Variants in PSME3IP1 observed in about 807,000 individuals in gnomAD.
The protein encoded by PSME3IP1 is proteasome activator subunit 3 interacting protein 1, also known as PSME3-interacting protein.
A neutral mutation model predicts 34.1 loss-of-function variants in PSME3IP1; 13 were observed. The ratio of observed to expected loss-of-function variants is 0.38; its 90% confidence interval spans 0.25 to 0.61. The LOEUF is 0.61. Ranked by LOEUF, PSME3IP1 falls within the 20% of genes least tolerant of loss-of-function variation. PSME3IP1 has a pLI of 0.60. For synonymous variants in PSME3IP1, 93 were observed against 114.3 expected, an observed-to-expected ratio of 0.81 and a Z score of 1.19; for missense variants, 237 against 301.4, an observed-to-expected ratio of 0.79 and a Z score of 1.58.
rs1597792845 is a variant in PSME3IP1, at chr16:57,182,562, A to C, written c.-16+3259T>G. ...ATACCCATTTCCCTTAAAAAAAAAA[A>C]AAAAAAAAAAAAAACTTTGCATTAC... On this transcript the variant is annotated intron_variant, in intron 1 of 6. Transcript: ENST00000309137. Among the ~76,000 whole-genome samples the C allele has an allele frequency of 2.7e-5, 4 of 150,480 alleles. No individual in the cohort carries two copies. In the East Asian group the frequency reaches 5.8e-4, roughly 22 times the overall value.
At chr16:57,165,025 CAAAAAAAAAAA>C (rs1191154422) in intron 5 of PSME3IP1, among the ~76,000 whole-genome samples, 1 of 70,852 alleles carries the variant, frequency 1.4e-5, no homozygotes, top group Non-Finnish European at 2.9e-5. Flanking sequence ...AACTCCAGCT[CAAAAAAAAAAA>C]AAGAAAAAGA....
chr16:57,174,365 G>T, intron 1 of PSME3IP1: 1 of 828,098 alleles, frequency 1.2e-6, no homozygotes, highest in Non-Finnish European at 1.5e-6. Flanking sequence ...CATTTTTCCT[G>T]ACATATCAGA....
At chr16:57,167,298 G>A (rs1362720558) in intron 4 of PSME3IP1, 72 bp from the exon 5 acceptor site, 1 of 1,551,570 alleles carries the variant, frequency 6.4e-7, no homozygotes, top group Non-Finnish European at 8.9e-7. Flanking sequence ...CCCTTCGGCT[G>A]TGCGATGTAA....
rs546670166 is a variant in PSME3IP1 at position 57,158,590 on chromosome 16, T to TA, written c.548-4084dup. 1.5e-4 allele frequency among the ~76,000 whole-genome samples: 23 copies of TA among 151,250 alleles called. 1 individual carries two copies. The South Asian group carries it at 4.2e-3, about 27-fold the overall frequency. On this transcript the variant is annotated intron_variant, in intron 6 of 6. Coordinates refer to ENST00000309137, the MANE Select transcript of PSME3IP1 (RefSeq NM_024946.4). ...GTGACAGAGCTAGACTGTCTCAAAA[T>TA]AAAAAAACAAACCAACAAAGAAAAA...
chr16:57,153,929 G>A lies in PSME3IP1; in HGVS notation c.*361C>T, dbSNP rs1453632675. ...ATAACTGCCCTTACTTCTTTGTGCT[G>A]TCGGGAAAAGAAAAAACAGAAAGCA... On this transcript the variant is annotated 3_prime_UTR_variant, in exon 7 of 7. Coordinates refer to ENST00000309137, the MANE Select transcript of PSME3IP1 (RefSeq NM_024946.4). The A allele has an allele frequency of 2.1e-5, 5 of 243,826 alleles. No homozygotes were observed. Among genetic ancestry groups the A allele is most frequent in the Non-Finnish European group, 4.0e-5 (5 of 124,168 alleles). 15.1% of individuals were successfully genotyped at this position (243,826 alleles called of 1,614,324 possible).
At chr16:57,178,819 C>A (rs1183109999) in intron 1 of PSME3IP1, 2 of 985,214 alleles carry the variant, frequency 2.0e-6, no homozygotes, top group African/African-American at 3.5e-5. Flanking sequence ...ATGGAGACAG[C>A]GTTTTTGTTT....
chr16:57,172,800 CCTG>C lies in PSME3IP1; in HGVS notation c.199_201del (p.Gln67del), dbSNP rs769898845. ...CTGAATTTGAACTGTTCCTCGTACT[CCTG>C]CTGCTTCCTGTCCTTCTGTTCCTGT... On this transcript the variant is annotated inframe_deletion, in exon 3 of 7. Coordinates refer to ENST00000309137, the MANE Select transcript of PSME3IP1 (RefSeq NM_024946.4). 4 of 1,613,570 alleles carry C rather than the reference CCTG, an allele frequency of 2.5e-6. No homozygotes were observed. The highest frequency in any genetic ancestry group is 3.4e-6 in the Non-Finnish European group (4 of 1,179,454).
Position 57,185,848 on chromosome 16 carries a change from C to T in PSME3IP1, c.-43G>A. Reference sequence around the variant, plus strand: ...ACCGGCGCGCGGGAGGCGAGACGACCTCACCTCGGCGGCGCCCACCCCAAA... The same window carrying T: ...ACCGGCGCGCGGGAGGCGAGACGACTTCACCTCGGCGGCGCCCACCCCAAA... On this transcript the variant is annotated 5_prime_UTR_variant, in exon 1 of 7. Transcript: ENST00000309137. 1.0e-6 allele frequency: 1 copy of T among 985,208 alleles called. No individual in the cohort carries two copies. The allele number at this position is 985,208 out of a possible 1,614,324, so 61.0% of individuals were successfully genotyped here.
chr16:57,164,002 T>A lies in PSME3IP1; in HGVS notation c.546A>T (p.Gln182His). Residue 182 changes from glutamine to histidine, a missense_variant and splice_region_variant, in exon 6 of 7, where the codon CAA becomes CAT. Physicochemically the swap from Gln to His is conservative, Grantham distance 24. Transcript: ENST00000309137. ...KPDPEPDDKNQEPSSCKSLGN... is the reference protein window; with the variant it reads ...KPDPEPDDKNHEPSSCKSLGN... ...GAAGTAATGAAGGCTGCCACCCACC[T>A]TGATTCTTGTCATCTGGCTCAGGGT... 6.2e-7 allele frequency: 1 copy of A among 1,614,160 alleles called. No homozygotes were observed. The highest frequency in any genetic ancestry group is 8.5e-7 in the Non-Finnish European group (1 of 1,179,962).
At chr16:57,159,728 C>T (rs1198381980) in intron 6 of PSME3IP1, among the ~76,000 whole-genome samples, 1 of 152,196 alleles carries the variant, frequency 6.6e-6, no homozygotes, top group East Asian at 1.9e-4. Flanking sequence ...GGCTCTGAAA[C>T]ACAGCTGTCT....
At chr16:57,172,658 C>A in intron 3 of PSME3IP1, 118 bp downstream of exon 3, 2 of 877,540 alleles carry the variant, frequency 2.3e-6, no homozygotes, top group Non-Finnish European at 3.8e-6. Context: ...AAATAAGCAT[C>A]CGGAGACTCG....
intron 6 of PSME3IP1, among the ~76,000 whole-genome samples, chr16:57,161,062 C>T (rs538163775): frequency 3.0e-4 from 46 of 152,296 alleles, no homozygotes; most frequent in African/African-American, 1.1e-3. Flanking sequence ...GGTATATTAG[C>T]CTACTGCTAA....
chr16:57,174,369 T>C lies in PSME3IP1; in HGVS notation c.-15-500A>G, dbSNP rs375725303. On this transcript the variant is annotated intron_variant, in intron 1 of 6. Coordinates refer to ENST00000309137, the MANE Select transcript of PSME3IP1 (RefSeq NM_024946.4). ...GCACATGAATACATTTTTCCTGACA[T>C]ATCAGAGAATTTTTATTAACATCGA... The C allele has an allele frequency of 6.0e-5, 51 of 852,202 alleles. 1 individual carries two copies. The highest frequency in any genetic ancestry group is 5.9e-4 in the Middle Eastern group (1 of 1,686). The allele number at this position is 852,202 out of a possible 1,614,324, so 52.8% of individuals were successfully genotyped here. A position where few individuals can be genotyped will look rare whatever the true frequency, so the allele number is the denominator to read the frequency against.
chr16:57,185,236 GTC>G (rs1359728733), intron 1 of PSME3IP1, among the ~76,000 whole-genome samples: 2 of 152,190 alleles, frequency 1.3e-5, no homozygotes, highest in South Asian at 4.1e-4. Flanking sequence ...GAACAAACAG[GTC>G]TCCCCCTTTC....
intron 1 of PSME3IP1, among the ~76,000 whole-genome samples, chr16:57,182,551 T>TAAA (rs10717048): frequency 0.017 from 1,331 of 76,720 alleles, 58 homozygotes; most frequent in African/African-American, 0.067. Context: ...CCATTTCCCT[T>TAAA]AAAAAAAAAA....
chr16:57,167,167 CAGTT>C lies in PSME3IP1; in HGVS notation c.404_407del (p.Lys135ArgfsTer3). On this transcript the variant is annotated frameshift_variant, in exon 5 of 7. Transcript: ENST00000309137. LOFTEE classifies it high-confidence loss of function. ...TCTTGGTTTCTATAGGCTTCACAGTCAGTTTCTTTTCCACTTCCTTCTTGTTCTC... is the reference window on the plus strand; with the variant it reads ...TCTTGGTTTCTATAGGCTTCACAGTCTCTTTTCCACTTCCTTCTTGTTCTC... The C allele has an allele frequency of 6.2e-7, 1 of 1,614,236 alleles. No homozygotes were observed. The highest frequency in any genetic ancestry group is 1.1e-5 in the South Asian group (1 of 91,078).
At chr16:57,182,481 G>T (rs2073804461) in intron 1 of PSME3IP1, among the ~76,000 whole-genome samples, 1 of 126,182 alleles carries the variant, frequency 7.9e-6, no homozygotes. Flanking sequence ...AGGAGGCTGA[G>T]ACTGGAGGAC....
chr16:57,158,958 T>A (rs2070898722), intron 6 of PSME3IP1, among the ~76,000 whole-genome samples: 1 of 152,144 alleles, frequency 6.6e-6, no homozygotes, highest in South Asian at 2.1e-4. Flanking sequence ...AAAGGCATAG[T>A]AAAAATACGA....
intron 1 of PSME3IP1, among the ~76,000 whole-genome samples, chr16:57,181,027 AGACC>A (rs10581754): frequency 0.12 from 18,515 of 152,126 alleles, 1,547 homozygotes; most frequent in East Asian, 0.22. Context: ...CAACAGCACA[AGACC>A]GACCTTGCCT....
Sources: gnomAD v4.1 joint callset for allele counts (sites outside exome capture counted in the v4.1 genomes callset) on GRCh38, gnomAD v4.1.1 for gene constraint, MANE v1.5 for transcripts, NCBI Gene and HGNC (gene_info 2026-07-23, HGNC 2026-07-21) for gene names.